SYT1: variants seen among roughly 807,000 people sequenced by gnomAD.
SYT1 encodes synaptotagmin-1.
In SYT1, 8 loss-of-function variants were observed where a neutral mutation model predicts 44.8. The ratio of observed to expected loss-of-function variants is 0.18; its 90% confidence interval spans 0.10 to 0.32. The LOEUF (loss-of-function observed/expected upper bound fraction) is 0.32, where lower values mean the gene tolerates loss of function less well. Among genes scored for constraint, SYT1 ranks in the 10% least tolerant of loss-of-function variants. SYT1 has a pLI of 1.00. For missense variants in SYT1, 286 were observed against 509.3 expected, an observed-to-expected ratio of 0.56 and a Z score of 4.22; for synonymous variants, 154 against 188.8, an observed-to-expected ratio of 0.82 and a Z score of 1.51.
chr12:79,111,765 A>G (rs954965720), intron 3 of SYT1, among the ~76,000 whole-genome samples: 1 of 151,946 alleles, frequency 6.6e-6, no homozygotes, highest in Non-Finnish European at 1.5e-5. Flanking sequence ...ACTCAAACTC[A>G]TGCCTTTCAG....
intron 1 of SYT1, among the ~76,000 whole-genome samples, chr12:78,941,318 T>G (rs1878358100): frequency 6.6e-6 from 1 of 151,564 alleles, no homozygotes; most frequent in African/African-American, 2.4e-5. Context: ...GTGATCCGCC[T>G]GCCTCAGCCT....
chr12:79,176,572 A>T (rs1213453495), intron 3 of SYT1, among the ~76,000 whole-genome samples: 3 of 151,972 alleles, frequency 2.0e-5, no homozygotes, highest in Non-Finnish European at 4.4e-5. Context: ...ATACTCTACA[A>T]CCTGCTTCGT....
chr12:78,944,119 T>A (rs1359244653), intron 1 of SYT1, among the ~76,000 whole-genome samples: 3 of 151,908 alleles, frequency 2.0e-5, no homozygotes. Context: ...TTCAGAATTT[T>A]AAAAATCTCT....
intron 3 of SYT1, among the ~76,000 whole-genome samples, chr12:79,089,085 T>G (rs1565801062): frequency 5.3e-5 from 8 of 151,734 alleles, no homozygotes. Context: ...TGGATAGAGA[T>G]AAAAGAGAAA....
chr12:78,908,571 T>C (rs1876127700), intron 1 of SYT1, among the ~76,000 whole-genome samples: 1 of 151,910 alleles, frequency 6.6e-6, no homozygotes, highest in African/African-American at 2.4e-5. Flanking sequence ...ATCATTCTGC[T>C]CTAATGATCA....
chr12:79,444,307 A>C, intron 10 of SYT1, 101 bp downstream of exon 10: 2 of 1,361,694 alleles, frequency 1.5e-6, no homozygotes, highest in Non-Finnish European at 2.0e-6. Flanking sequence ...ACATGCCTTC[A>C]TTAGAACTGC....
chr12:78,970,052 C>T (rs1338090676), intron 1 of SYT1, among the ~76,000 whole-genome samples: 6 of 152,150 alleles, frequency 3.9e-5, no homozygotes, highest in Non-Finnish European at 8.8e-5. Context: ...GTTACAGTAT[C>T]TAAGTATAAA....
At chr12:79,251,588 C>T (rs193233943) in intron 4 of SYT1, among the ~76,000 whole-genome samples, 4 of 152,244 alleles carry the variant, frequency 2.6e-5, no homozygotes, top group Non-Finnish European at 4.4e-5. Context: ...CTGTAGTCAT[C>T]GCCTGAATGC....
intron 2 of SYT1, among the ~76,000 whole-genome samples, chr12:79,015,695 G>T (rs1225690299): frequency 6.6e-6 from 1 of 152,104 alleles, no homozygotes; most frequent in Admixed American, 6.6e-5. Context: ...AAACAGTTCT[G>T]AAGTTCAAAT....
intron 8 of SYT1, among the ~76,000 whole-genome samples, chr12:79,320,781 C>T (rs1881322014): frequency 6.6e-6 from 1 of 151,624 alleles, no homozygotes; most frequent in South Asian, 2.1e-4. Context: ...TTCCACCAGG[C>T]ACAGCTAATT....
intron 10 of SYT1, among the ~76,000 whole-genome samples, chr12:79,444,798 AT>A (rs1288525151): frequency 6.6e-6 from 1 of 152,158 alleles, no homozygotes; most frequent in Admixed American, 6.6e-5. Flanking sequence ...TCTATTAAAT[AT>A]CCTTGTAGTT....
chr12:79,245,368 G>A (rs1392214116), intron 4 of SYT1, among the ~76,000 whole-genome samples: 1 of 149,952 alleles, frequency 6.7e-6, no homozygotes, highest in African/African-American at 2.4e-5. Context: ...CCAGCTACTC[G>A]GGAGTTTGAG....
chr12:79,140,189 AC>A (rs1400631120), intron 3 of SYT1, among the ~76,000 whole-genome samples: 1 of 152,172 alleles, frequency 6.6e-6, no homozygotes, highest in Non-Finnish European at 1.5e-5. Context: ...GCATATAATA[AC>A]CATATAATAT....
intron 9 of SYT1, among the ~76,000 whole-genome samples, chr12:79,362,222 G>A (rs529570265): frequency 6.4e-4 from 97 of 152,176 alleles, no homozygotes; most frequent in African/African-American, 2.3e-3. Context: ...AAGCTCAGTG[G>A]TAAATTTAAA....
At chr12:79,217,800 C>A in intron 4 of SYT1, 115 bp downstream of exon 4, 2 of 786,672 alleles carry the variant, frequency 2.5e-6, no homozygotes, top group Non-Finnish European at 3.6e-6. Context: ...TAATTTATTA[C>A]TATGGGAATG....
intron 3 of SYT1, among the ~76,000 whole-genome samples, chr12:79,047,642 T>C (rs970751079): frequency 6.6e-6 from 1 of 151,894 alleles, no homozygotes; most frequent in African/African-American, 2.4e-5. Flanking sequence ...CATCTTAAAT[T>C]CTAAAGAAGA....
chr12:79,247,480 A>G (rs1053230031), intron 4 of SYT1, among the ~76,000 whole-genome samples: 3 of 152,186 alleles, frequency 2.0e-5, no homozygotes, highest in African/African-American at 7.2e-5. Context: ...AAAGTCAGTG[A>G]TACACAATTC....
intron 4 of SYT1, among the ~76,000 whole-genome samples, chr12:79,269,151 T>G (rs933751809): frequency 1.3e-5 from 2 of 151,940 alleles, no homozygotes; most frequent in Non-Finnish European, 2.9e-5. Context: ...GGGCTCAATG[T>G]TTTCATACAT....
At chr12:78,999,687 C>T (rs1870608624) in intron 2 of SYT1, among the ~76,000 whole-genome samples, 1 of 152,096 alleles carries the variant, frequency 6.6e-6, no homozygotes, top group African/African-American at 2.4e-5. Flanking sequence ...CAGTGTAGCA[C>T]TTTGGCCCAC....
Sources: gnomAD v4.1 joint callset for allele counts (sites outside exome capture counted in the v4.1 genomes callset) on GRCh38, gnomAD v4.1.1 for gene constraint, MANE v1.5 for transcripts, NCBI Gene and HGNC (gene_info 2026-07-23, HGNC 2026-07-21) for gene names.